Variants in SCFD2 observed in about 807,000 individuals in gnomAD.
SCFD2 encodes the protein sec1 family domain containing 2.
In SCFD2, 54 loss-of-function variants were observed where a neutral mutation model predicts 58.9. That is an observed-to-expected ratio of 0.92 (90% confidence interval 0.74 to 1.15). The LOEUF (loss-of-function observed/expected upper bound fraction) is 1.15. SCFD2 is among the 50% of genes most tolerant of loss of function. The pLI, the probability that SCFD2 is intolerant of heterozygous loss-of-function variation, is 0.00. For synonymous variants in SCFD2, 321 were observed against 335.9 expected (o/e 0.96, Z 0.49); for missense variants, 805 against 836.6 (o/e 0.96, Z 0.47).
intron 4 of SCFD2, among the ~76,000 whole-genome samples, chr4:53,219,684 T>C (rs1277576763): frequency 6.6e-6 from 1 of 152,132 alleles, no homozygotes; most frequent in Non-Finnish European, 1.5e-5. Flanking sequence ...ATGAACCTAG[T>C]ACCTCAGTTA....
intron 5 of SCFD2, among the ~76,000 whole-genome samples, chr4:52,952,349 G>C (rs1032135098): frequency 3.4e-4 from 49 of 145,626 alleles, no homozygotes; most frequent in Non-Finnish European, 6.2e-4. Flanking sequence ...ACCACCATCA[G>C]GCATCTTTCT....
chr4:53,162,706 G>A (rs1342022882), intron 4 of SCFD2, among the ~76,000 whole-genome samples: 2 of 151,746 alleles, frequency 1.3e-5, no homozygotes, highest in Non-Finnish European at 2.9e-5. Context: ...TTGTGGGGTG[G>A]GGGGAGTGGG....
intron 5 of SCFD2, among the ~76,000 whole-genome samples, chr4:53,005,800 A>G (rs1435377003): frequency 6.6e-6 from 1 of 152,198 alleles, no homozygotes; most frequent in South Asian, 2.1e-4. Flanking sequence ...TAACATCTAG[A>G]TTCTACTGAA....
chr4:53,340,647 C>T (rs893401204), intron 2 of SCFD2, among the ~76,000 whole-genome samples: 8 of 152,218 alleles, frequency 5.3e-5, no homozygotes, highest in South Asian at 2.1e-4. Flanking sequence ...GATCTGAGAA[C>T]GGGCAGACTA....
chr4:53,028,112 T>C (rs1577669993), intron 5 of SCFD2, among the ~76,000 whole-genome samples: 1 of 152,124 alleles, frequency 6.6e-6, no homozygotes, highest in East Asian at 1.9e-4. Flanking sequence ...CTGGGCGTGG[T>C]GGCAGGCTCC....
At position 53,014,957 on chromosome 4, in the gene SCFD2, A is replaced by C. The variant is rs1722176873; in HGVS notation, c.1562-94087T>G. The stretch of plus-strand genomic sequence containing the variant: ...ATAAGGGTACATAGAAATATTTTTG[A>C]ATTTATAATATCCACTAGAACGTTT... On this transcript the variant is annotated intron_variant, in intron 5 of 8. Coordinates refer to ENST00000401642, the MANE Select transcript of SCFD2 (RefSeq NM_152540.4). 2.0e-5 allele frequency among the ~76,000 whole-genome samples: 3 copies of C among 152,228 alleles called. No individual in the cohort carries two copies. The South Asian group carries it at 6.2e-4, about 32-fold the overall frequency.
At chr4:53,234,519 G>C (rs987828161) in intron 4 of SCFD2, among the ~76,000 whole-genome samples, 5 of 152,168 alleles carry the variant, frequency 3.3e-5, no homozygotes, top group African/African-American at 1.2e-4. Flanking sequence ...CTAATCATAT[G>C]AATGTCTGAG....
intron 5 of SCFD2, among the ~76,000 whole-genome samples, chr4:53,046,529 A>G (rs1249434639): frequency 1.3e-5 from 2 of 151,612 alleles, no homozygotes; most frequent in African/African-American, 4.9e-5. Flanking sequence ...CCATTTTTTA[A>G]AGAGCACAGA....
chr4:53,183,687 T>C (rs7687452), intron 4 of SCFD2, among the ~76,000 whole-genome samples: 67,755 of 151,280 alleles, frequency 0.45, 16,135 homozygotes, highest in Admixed American at 0.52. Context: ...AAATGAAAAC[T>C]AACATTTAAC....
At chr4:53,302,650 C>T (rs1317031294) in intron 3 of SCFD2, among the ~76,000 whole-genome samples, 1 of 152,178 alleles carries the variant, frequency 6.6e-6, no homozygotes, top group African/African-American at 2.4e-5. Flanking sequence ...CAAGTCAATC[C>T]TAAGCCAAAA....
At chr4:53,325,761 G>A (rs1304226425) in intron 2 of SCFD2, among the ~76,000 whole-genome samples, 1 of 152,134 alleles carries the variant, frequency 6.6e-6, no homozygotes, top group Non-Finnish European at 1.5e-5. Context: ...AGATAAAGGG[G>A]CTAAGGTTCA....
In SCFD2 at chr4:53,322,916, G is replaced by C. The variant is rs78715074; in HGVS notation, c.1008-9153C>G. On this transcript the variant is annotated intron_variant, in intron 2 of 8. Coordinates refer to ENST00000401642, the MANE Select transcript of SCFD2 (RefSeq NM_152540.4). ...TTAATTCATGTGTCAAGGAACTCTAGGACAAAGAGTTAGTGACAGTTTTAT... is the reference window on the plus strand; with the variant it reads ...TTAATTCATGTGTCAAGGAACTCTACGACAAAGAGTTAGTGACAGTTTTAT... Among the ~76,000 whole-genome samples the C allele has an allele frequency of 2.3e-3, 348 of 152,318 alleles. 6 individuals are homozygous for C. The highest frequency in any genetic ancestry group is 0.019 in the East Asian group (100 of 5,190).
chr4:52,920,467 G>T (rs968588252), intron 6 of SCFD2, among the ~76,000 whole-genome samples: 2 of 152,112 alleles, frequency 1.3e-5, no homozygotes, highest in African/African-American at 4.8e-5. Flanking sequence ...GAATCAGTCT[G>T]CGACAAACCC....
At chr4:53,238,473 G>A (rs1434271501) in intron 4 of SCFD2, among the ~76,000 whole-genome samples, 27 of 150,976 alleles carry the variant, frequency 1.8e-4, no homozygotes, top group African/African-American at 5.4e-4. Context: ...CCTCCCTCCC[G>A]GATGGGGCGG....
chr4:53,075,876 A>G (rs1279975994), intron 5 of SCFD2, among the ~76,000 whole-genome samples: 1 of 152,212 alleles, frequency 6.6e-6, no homozygotes, highest in African/African-American at 2.4e-5. Flanking sequence ...TGACACAGAC[A>G]TGAAGTGAGC....
At chr4:52,978,425 C>A (rs1721301018) in intron 5 of SCFD2, among the ~76,000 whole-genome samples, 1 of 152,098 alleles carries the variant, frequency 6.6e-6, no homozygotes, top group Admixed American at 6.5e-5. Context: ...CTTAGCCCAA[C>A]CTCCTCATCT....
At chr4:53,352,531 C>T in intron 2 of SCFD2, 67 bp downstream of exon 2, 2 of 1,275,870 alleles carry the variant, frequency 1.6e-6, no homozygotes, top group Non-Finnish European at 2.2e-6. Flanking sequence ...TATGGGAATA[C>T]TCAGTCTAGG....
rs1169151820 is a variant in SCFD2 at position 52,874,179 on chromosome 4, C to A, written c.1963-118G>T. On this transcript the variant is annotated intron_variant, in intron 8 of 8. Coordinates refer to ENST00000401642, the MANE Select transcript of SCFD2 (RefSeq NM_152540.4). ...TTGGGGGAGGGCATGAAGTGAAGTT[C>A]TAGGAAGGAAAAGTAGAAGGCAGCC... 6.9e-6 allele frequency: 5 copies of A among 726,442 alleles called. No individual in the cohort carries two copies. The African/African-American group carries it at 8.7e-5, about 13-fold the overall frequency. The allele number at this position is 726,442 out of a possible 1,614,324, so 45.0% of individuals were successfully genotyped here.
At chr4:53,161,658 A>G (rs986636557) in intron 4 of SCFD2, among the ~76,000 whole-genome samples, 3 of 152,224 alleles carry the variant, frequency 2.0e-5, no homozygotes, top group African/African-American at 7.2e-5. Context: ...TGTTTTCTGT[A>G]AACAGGCCAG....
Sources: allele counts gnomAD v4.1 joint callset (sites outside exome capture counted in the v4.1 genomes callset), GRCh38; gene constraint gnomAD v4.1.1; transcripts MANE v1.5; gene names NCBI Gene and HGNC (gene_info 2026-07-23, HGNC 2026-07-21).